The following CSMD1 variants were observed in gnomAD, a reference collection of about 807,000 sequenced individuals.
CSMD1 encodes the protein CUB and sushi domain-containing protein 1.
Under a neutral mutation model 417.5 loss-of-function variants are expected in CSMD1, and 213 were observed. The observed-to-expected ratio is 0.51, with a 90% CI of 0.46 to 0.57. The LOEUF is 0.57. Among genes scored for constraint, CSMD1 ranks in the 20% least tolerant of loss-of-function variants. The pLI is 0.00. For synonymous variants in CSMD1, 2,862 were observed against 1,736.8 expected (o/e 1.65, Z -16.11); for missense variants, 6,923 against 4,529.7 (o/e 1.53, Z -15.17).
At chr8:4,335,489 T>C (rs1167904069) in intron 3 of CSMD1, among the ~76,000 whole-genome samples, 10 of 152,096 alleles carry the variant, frequency 6.6e-5, no homozygotes, top group African/African-American at 2.4e-4. Flanking sequence ...AGAATACAAA[T>C]GTCCTGAACA....
intron 2 of CSMD1, among the ~76,000 whole-genome samples, chr8:4,461,578 C>A (rs1423236903): frequency 6.7e-6 from 1 of 149,768 alleles, no homozygotes; most frequent in East Asian, 1.9e-4. Context: ...TTGGGGGATA[C>A]ATCATCCCGT....
intron 25 of CSMD1, among the ~76,000 whole-genome samples, chr8:3,295,251 A>C (rs946120131): frequency 2.6e-5 from 4 of 151,962 alleles, no homozygotes; most frequent in Non-Finnish European, 4.4e-5. Flanking sequence ...CAGCCTCCCG[A>C]GTAGCTGGGA....
chr8:3,598,430 C>G (rs962008635), intron 8 of CSMD1: 2 of 152,178 alleles, frequency 1.3e-5, no homozygotes, highest in Non-Finnish European at 2.9e-5. Context: ...GATTTTCCCT[C>G]AGGGTTTTTA....
At chr8:4,819,618 T>C (rs991113502) in intron 1 of CSMD1, among the ~76,000 whole-genome samples, 3 of 152,206 alleles carry the variant, frequency 2.0e-5, no homozygotes, top group African/African-American at 4.8e-5. Flanking sequence ...CCTTTTAAGA[T>C]TGGAATATCA....
At chr8:3,094,322 C>T (rs1389754560) in intron 47 of CSMD1, among the ~76,000 whole-genome samples, 1 of 152,074 alleles carries the variant, frequency 6.6e-6, no homozygotes, top group Non-Finnish European at 1.5e-5. Flanking sequence ...CCAGGCTGGT[C>T]TCAAACTCCT....
At chr8:3,461,310 C>A (rs555718347) in intron 12 of CSMD1, among the ~76,000 whole-genome samples, 5 of 152,174 alleles carry the variant, frequency 3.3e-5, no homozygotes, top group African/African-American at 4.8e-5. Context: ...TGAGGGAATG[C>A]GCTTCTGAAG....
At chr8:4,924,706 G>C (rs1806734026) in intron 1 of CSMD1, among the ~76,000 whole-genome samples, 2 of 29,654 alleles carry the variant, frequency 6.7e-5, no homozygotes, top group East Asian at 1.2e-3. Context: ...TGGGAGACAA[G>C]AATGAAACTC....
chr8:4,181,316 T>C (rs75054842), intron 3 of CSMD1, among the ~76,000 whole-genome samples: 1 of 152,188 alleles, frequency 6.6e-6, no homozygotes, highest in African/African-American at 2.4e-5. Context: ...TTATGACATA[T>C]ATATCCATGC....
At chr8:4,158,089 C>CTTTTTT (rs57117925) in intron 3 of CSMD1, among the ~76,000 whole-genome samples, 14 of 142,010 alleles carry the variant, frequency 9.9e-5, no homozygotes, top group Non-Finnish European at 7.7e-5. Flanking sequence ...CAAGAAAACC[C>CTTTTTT]TTTTTTTTTT....
At chr8:2,968,950 T>C (rs1804206159) in intron 57 of CSMD1, among the ~76,000 whole-genome samples, 1 of 152,174 alleles carries the variant, frequency 6.6e-6, no homozygotes, top group Admixed American at 6.5e-5. Flanking sequence ...ATATTATGCT[T>C]ATTTTAAATA....
chr8:3,893,276 G>C (rs576028765), intron 5 of CSMD1, among the ~76,000 whole-genome samples: 2 of 138,936 alleles, frequency 1.4e-5, no homozygotes, highest in African/African-American at 2.6e-5. Flanking sequence ...TATAAAACAA[G>C]TAATTTGTGA....
chr8:3,514,648 G>C (rs1031156023), intron 10 of CSMD1, among the ~76,000 whole-genome samples: 1 of 151,966 alleles, frequency 6.6e-6, no homozygotes, highest in Non-Finnish European at 1.5e-5. Context: ...ATATAACCCA[G>C]GCTACATTTC....
chr8:3,704,338 C>G (rs891369370), intron 7 of CSMD1, among the ~76,000 whole-genome samples: 3 of 152,108 alleles, frequency 2.0e-5, no homozygotes, highest in Non-Finnish European at 2.9e-5. Context: ...AATTTCCTCC[C>G]TTTTTCAGGC....
intron 7 of CSMD1, among the ~76,000 whole-genome samples, chr8:3,671,527 TC>T (rs1563256896): frequency 9.4e-4 from 2 of 2,130 alleles, no homozygotes; most frequent in Non-Finnish European, 1.7e-3. Context: ...ATATATATGA[TC>T]ATATATATAT....
chr8:3,065,504 GAT>G (rs1812882342), intron 49 of CSMD1, among the ~76,000 whole-genome samples: 1 of 151,450 alleles, frequency 6.6e-6, no homozygotes, highest in Non-Finnish European at 1.5e-5. Flanking sequence ...TATATAAAGA[GAT>G]AGGAAGATGA....
intron 62 of CSMD1, among the ~76,000 whole-genome samples, chr8:2,958,110 T>C (rs1316112179): frequency 6.6e-6 from 1 of 152,202 alleles, no homozygotes; most frequent in Admixed American, 6.5e-5. Flanking sequence ...ATAATTATTA[T>C]TTCCTTTTTC....
At chr8:3,125,473 A>C (rs1216490177) in intron 41 of CSMD1, among the ~76,000 whole-genome samples, 1 of 152,250 alleles carries the variant, frequency 6.6e-6, no homozygotes, top group Non-Finnish European at 1.5e-5. Flanking sequence ...TCATCAAGTG[A>C]GAGAAAAAGA....
chr8:4,258,628 C>T (rs1221834861), intron 3 of CSMD1, among the ~76,000 whole-genome samples: 2 of 92,448 alleles, frequency 2.2e-5, no homozygotes, highest in Non-Finnish European at 4.7e-5. Context: ...CTCATTCTAA[C>T]ATGAGGGCCC....
chr8:4,777,555 G>GCTGTTGTT (rs1176634477), intron 1 of CSMD1, among the ~76,000 whole-genome samples: 4 of 152,176 alleles, frequency 2.6e-5, no homozygotes, highest in Admixed American at 6.5e-5. Context: ...AGTACACAGA[G>GCTGTTGTT]CTGTTGTTCC....
Sources: gnomAD v4.1 joint callset for allele counts (sites outside exome capture counted in the v4.1 genomes callset) on GRCh38, gnomAD v4.1.1 for gene constraint, MANE v1.5 for transcripts, NCBI Gene and HGNC (gene_info 2026-07-23, HGNC 2026-07-21) for gene names.